NUDCD2: variants seen among roughly 807,000 people sequenced by gnomAD.
NUDCD2 encodes the protein NudC domain containing 2.
NUDCD2 carries 16 observed loss-of-function variants against 20.8 expected under a neutral mutation model. The ratio of observed to expected loss-of-function variants is 0.77; its 90% CI spans 0.52 to 1.17. NUDCD2 has a LOEUF of 1.17. NUDCD2 is among the 50% of genes most tolerant of loss of function. NUDCD2 has a pLI of 0.00. For missense variants in NUDCD2, 199 were observed against 193.9 expected (o/e 1.03, Z -0.16); for synonymous variants, 87 against 72.8 (o/e 1.20, Z -1.00).
rs1758449074 is a variant in NUDCD2 at position 163,460,047 on chromosome 5, A to C, written c.4T>G (p.Ser2Ala). Reference sequence around the variant, plus strand: ...CCACTCCGCTCCTCAAACGGGGCCGACATAATCCAGTCCCTCCCGGCCGCG... The same window carrying C: ...CCACTCCGCTCCTCAAACGGGGCCGCCATAATCCAGTCCCTCCCGGCCGCG... M[S>A]APFEERSGVV... The change falls in exon 1 of 4, where the codon TCG (serine) becomes GCG (alanine). Residue 2 changes from serine (S) to alanine (A), a missense_variant. Ser to Ala is a moderately conservative substitution (Grantham distance 99). Transcript: ENST00000302764. The C allele has an allele frequency of 6.3e-7, 1 of 1,578,712 alleles. No homozygotes were observed. The highest frequency in any genetic ancestry group is 2.3e-5 in the East Asian group (1 of 43,724).
rs1334785589 is a variant in NUDCD2, at chr5:163,452,628, C to T, written c.*1339G>A. On this transcript the variant is annotated 3_prime_UTR_variant, in exon 4 of 4. Coordinates refer to ENST00000302764, the MANE Select transcript of NUDCD2 (RefSeq NM_145266.6). ...CAAGAAATAATTATAAAAATAACTA[C>T]AGTGGAGAAGTCTGGCAGACACTAC... 6.6e-6 allele frequency: 1 copy of T among 152,114 alleles called. No individual in the cohort carries two copies. The highest frequency in any genetic ancestry group is 2.4e-5 in the African/African-American group (1 of 41,416). The allele number at this position is 152,114 out of a possible 1,614,324, so 9.4% of individuals were successfully genotyped here.
rs1228273428 is a variant in NUDCD2 at position 163,454,323 on chromosome 5, G to A, written c.391-273C>T. On this transcript the variant is annotated intron_variant, in intron 3 of 3. Transcript: ENST00000302764. ...TAAAAGTCTGTAGTTATATTTAATAGCTAGCATTTTTATTTTATTTATTAT... is the reference window on the plus strand; with the variant it reads ...TAAAAGTCTGTAGTTATATTTAATAACTAGCATTTTTATTTTATTTATTAT... 2.0e-5 allele frequency among the ~76,000 whole-genome samples: 3 copies of A among 152,052 alleles called. No homozygotes were observed. The East Asian group carries it at 5.8e-4, about 29-fold the overall frequency.
Position 163,453,979 on chromosome 5 carries a change from G to T in NUDCD2, c.462C>A (p.Asn154Lys). The change falls in exon 4 of 4, where the codon AAC becomes AAA. Residue 154 changes from asparagine to lysine, a missense_variant. By Grantham distance (94) the Asn-to-Lys change is moderately conservative. Coordinates refer to ENST00000302764, the MANE Select transcript of NUDCD2 (RefSeq NM_145266.6). ...GGAAAAAAAGCAGTTATTTCTCAAG[G>T]TTTGAGAAATCTGGTCCACCTTTAG... ...NYTKGGPDFS[N>K]LEK The T allele has an allele frequency of 6.5e-7, 1 of 1,531,560 alleles. No homozygotes were observed. The highest frequency in any genetic ancestry group is 8.8e-7 in the Non-Finnish European group (1 of 1,132,950). The allele number at this position is 1,531,560 out of a possible 1,614,324, so 94.9% of individuals were successfully genotyped here.
At chr5:163,457,962 A>G (rs1415689693) in intron 1 of NUDCD2, among the ~76,000 whole-genome samples, 1 of 150,902 alleles carries the variant, frequency 6.6e-6, no homozygotes, top group African/African-American at 2.4e-5. Context: ...TCTCCTGCTA[A>G]AACTAAAAAA....
chr5:163,458,139 C>A (rs1208828548), intron 1 of NUDCD2, among the ~76,000 whole-genome samples: 1 of 151,678 alleles, frequency 6.6e-6, no homozygotes, highest in Non-Finnish European at 1.5e-5. Context: ...CCCGCCACCA[C>A]GCCCGGCTAA....
intron 3 of NUDCD2, among the ~76,000 whole-genome samples, chr5:163,454,278 T>C (rs1228133337): frequency 6.6e-6 from 1 of 152,172 alleles, no homozygotes; most frequent in Non-Finnish European, 1.5e-5. Flanking sequence ...GGCAAGTGTA[T>C]GGGGAAACAT....
rs1000408692 is a variant in NUDCD2, at chr5:163,449,282, A to G, written c.*4685T>C. On this transcript the variant is annotated 3_prime_UTR_variant, in exon 4 of 4. Coordinates refer to ENST00000302764, the MANE Select transcript of NUDCD2 (RefSeq NM_145266.6). ...TAACAACAAAATAACTCCCAAAACTAATGAAGTTTAGCAAGGTCACAGGAT... is the reference window on the plus strand; with the variant it reads ...TAACAACAAAATAACTCCCAAAACTGATGAAGTTTAGCAAGGTCACAGGAT... The G allele has an allele frequency of 6.6e-6, 1 of 150,416 alleles. No homozygotes were observed. Among genetic ancestry groups the G allele is most frequent in the Non-Finnish European group, 1.5e-5 (1 of 67,590 alleles). 9.3% of individuals were successfully genotyped at this position (150,416 alleles called of 1,614,324 possible).
rs1293250414 is a variant in NUDCD2 at position 163,451,061 on chromosome 5, G to A, written c.*2906C>T. ...CAAAGACCACGTATTATGATTCCAT[G>A]TACATGAAATGTCCAGAATAAGGAA... On this transcript the variant is annotated 3_prime_UTR_variant, in exon 4 of 4. Coordinates refer to ENST00000302764, the MANE Select transcript of NUDCD2 (RefSeq NM_145266.6). 1.3e-5 allele frequency: 2 copies of A among 152,186 alleles called. No homozygotes were observed. Among genetic ancestry groups the A allele is most frequent in the Non-Finnish European group, 2.9e-5 (2 of 68,042 alleles). The allele number at this position is 152,186 out of a possible 1,614,324, so 9.4% of individuals were successfully genotyped here.
rs945388835 is a variant in NUDCD2 at position 163,449,771 on chromosome 5, T to C, written c.*4196A>G. ...AAAACCAGACTCACATAAATAGCAA[T>C]TGATTTCTGACAAAGGTGAAAAGAC... On this transcript the variant is annotated 3_prime_UTR_variant, in exon 4 of 4. Coordinates refer to ENST00000302764, the MANE Select transcript of NUDCD2 (RefSeq NM_145266.6). 5 of 152,150 alleles carry C rather than the reference T, an allele frequency of 3.3e-5. No homozygotes were observed. Among genetic ancestry groups the C allele is most frequent in the Admixed American group, 6.5e-5 (1 of 15,270 alleles). 9.4% of individuals were successfully genotyped at this position (152,150 alleles called of 1,614,324 possible).
chr5:163,459,544 T>G (rs1758419414), intron 1 of NUDCD2: 1 of 175,034 alleles, frequency 5.7e-6, no homozygotes, highest in East Asian at 1.5e-4. Flanking sequence ...TCTTCCTGCC[T>G]GTCTTCAGTG....
rs768756626 is a variant in NUDCD2 at position 163,457,578 on chromosome 5, C to T, written c.222G>A (p.Glu74=). Residue 74 remains glutamate, a synonymous_variant, in exon 2 of 4, where the codon GAG becomes GAA. Coordinates refer to ENST00000302764, the MANE Select transcript of NUDCD2 (RefSeq NM_145266.6). Reference sequence around the variant, plus strand: ...TACCCTTACCCAAAGTCCATGTTCCCTCATCAGCTATTGTAGAATCAAAGA... The same window carrying T: ...TACCCTTACCCAAAGTCCATGTTCCTTCATCAGCTATTGTAGAATCAAAGA... ...GKLFDSTIAD[E]GTWTLEDRKM... The T allele has an allele frequency of 3.3e-5, 52 of 1,580,026 alleles. No homozygotes were observed. Among genetic ancestry groups the T allele is most frequent in the Non-Finnish European group, 4.0e-5 (46 of 1,149,676 alleles).
Position 163,459,927 on chromosome 5 carries a change from C to T in NUDCD2, c.124G>A (p.Asp42Asn). 3 of 1,613,426 alleles carry T rather than the reference C, an allele frequency of 1.9e-6. No individual in the cohort carries two copies. Among genetic ancestry groups the T allele is most frequent in the Non-Finnish European group, 1.7e-6 (2 of 1,179,842 alleles). Residue 42 changes from aspartate to asparagine, a missense_variant, in exon 1 of 4, where the codon GAT (aspartate) becomes AAT (asparagine). Coordinates refer to ENST00000302764, the MANE Select transcript of NUDCD2 (RefSeq NM_145266.6). ...VQVPPGTRAQ[D>N]IQCGLQSRHV... ...CGGCTCTGGAGGCCGCACTGGATAT[C>T]CTGGGCGCGCGTGCCTGGCGGCACC... is the stretch of plus-strand genomic sequence containing the variant.
chr5:163,456,562 A>G (rs1758316830), intron 3 of NUDCD2, among the ~76,000 whole-genome samples: 1 of 152,196 alleles, frequency 6.6e-6, no homozygotes, highest in South Asian at 2.1e-4. Flanking sequence ...AATAGCCAAC[A>G]TATGAGATGA....
chr5:163,455,327 T>A (rs574959648), intron 3 of NUDCD2, among the ~76,000 whole-genome samples: 1 of 152,090 alleles, frequency 6.6e-6, no homozygotes, highest in African/African-American at 2.4e-5. Flanking sequence ...AACAGGCCAG[T>A]ATGGCAAAAG....
intron 3 of NUDCD2, among the ~76,000 whole-genome samples, chr5:163,454,974 C>A (rs1042755437): frequency 6.6e-6 from 1 of 152,132 alleles, no homozygotes; most frequent in African/African-American, 2.4e-5. Context: ...TTAGGCTTTG[C>A]AGTCCACATA....
Position 163,448,962 on chromosome 5 carries a change from G to A in NUDCD2, c.*5005C>T, listed in dbSNP as rs1007585337. 1 of 152,146 alleles carries A rather than the reference G, an allele frequency of 6.6e-6. No homozygotes were observed. Among genetic ancestry groups the A allele is most frequent in the Non-Finnish European group, 1.5e-5 (1 of 68,008 alleles). The allele number at this position is 152,146 out of a possible 1,614,324, so 9.4% of individuals were successfully genotyped here. On this transcript the variant is annotated 3_prime_UTR_variant, in exon 4 of 4. Transcript: ENST00000302764. ...ATGGGAACTTGCTCAACATGACAAAGGGAATTTAAGAAAAGCCTACAGCTT... is the reference window on the plus strand; with the variant it reads ...ATGGGAACTTGCTCAACATGACAAAAGGAATTTAAGAAAAGCCTACAGCTT...
rs1247852120 is a variant in NUDCD2, at chr5:163,451,655, G to A, written c.*2312C>T. ...GGTGAATGGACTGCCATGGCCTGGA[G>A]TGAGGTATTAGGGTCCAGGCAGGAT... On this transcript the variant is annotated 3_prime_UTR_variant, in exon 4 of 4. Transcript: ENST00000302764. 3 of 152,236 alleles carry A rather than the reference G, an allele frequency of 2.0e-5. No homozygotes were observed. The highest frequency in any genetic ancestry group is 7.2e-5 in the African/African-American group (3 of 41,454). The allele number at this position is 152,236 out of a possible 1,614,324, so 9.4% of individuals were successfully genotyped here.
chr5:163,459,790 A>G, intron 1 of NUDCD2, 72 bp downstream of exon 1: 2 of 1,373,228 alleles, frequency 1.5e-6, no homozygotes, highest in Non-Finnish European at 2.0e-6. Context: ...GACACCCAAC[A>G]GTCGTTCAGG....
At position 163,451,014 on chromosome 5, in the gene NUDCD2, T is replaced by C. The variant is rs1758163186; in HGVS notation, c.*2953A>G. ...ATATAGATGAACCTCTTAAGACATGTAAAGTGAAGGAAGCCAGTAACCAAA... is the reference window on the plus strand; with the variant it reads ...ATATAGATGAACCTCTTAAGACATGCAAAGTGAAGGAAGCCAGTAACCAAA... On this transcript the variant is annotated 3_prime_UTR_variant, in exon 4 of 4. Coordinates refer to ENST00000302764, the MANE Select transcript of NUDCD2 (RefSeq NM_145266.6). 6.6e-6 allele frequency: 1 copy of C among 152,092 alleles called. No individual in the cohort carries two copies. The highest frequency in any genetic ancestry group is 1.5e-5 in the Non-Finnish European group (1 of 68,022). The allele number at this position is 152,092 out of a possible 1,614,324, so 9.4% of individuals were successfully genotyped here.
Sources: allele counts gnomAD v4.1 joint callset (sites outside exome capture counted in the v4.1 genomes callset), GRCh38; gene constraint gnomAD v4.1.1; transcripts MANE v1.5; gene names NCBI Gene and HGNC (gene_info 2026-07-23, HGNC 2026-07-21).